Variants in MBD5 observed in about 807,000 individuals in gnomAD.
MBD5 encodes the protein methyl-CpG binding domain protein 5, also known as methyl-CpG-binding domain protein 5.
A neutral mutation model predicts 117.3 loss-of-function variants in MBD5; 13 were observed. The observed-to-expected ratio is 0.11, with a 90% CI of 0.07 to 0.18. MBD5 has a LOEUF of 0.18. MBD5 is among the 10% of genes least tolerant of loss of function. The pLI, the probability that MBD5 is intolerant of heterozygous loss-of-function variation, is 1.00. For missense variants in MBD5, 1,879 were observed against 2,093.8 expected (o/e 0.90, Z 2.00); for synonymous variants, 727 against 766.4 (o/e 0.95, Z 0.85).
intron 1 of MBD5, among the ~76,000 whole-genome samples, chr2:148,130,647 T>A (rs1329304468): frequency 6.6e-6 from 1 of 151,966 alleles, no homozygotes; most frequent in South Asian, 2.1e-4. Context: ...TGACTCCTCA[T>A]CAGGGGAGAC....
intron 2 of MBD5, among the ~76,000 whole-genome samples, chr2:148,188,996 G>A (rs1303671828): frequency 2.1e-4 from 32 of 149,660 alleles, no homozygotes; most frequent in Non-Finnish European, 3.0e-4. Flanking sequence ...AAGGGGTGAC[G>A]GACGCACCTG....
chr2:148,351,048 T>C (rs2105230792), intron 4 of MBD5, among the ~76,000 whole-genome samples: 1 of 152,180 alleles, frequency 6.6e-6, no homozygotes, highest in African/African-American at 2.4e-5. Context: ...GGTATTGCTT[T>C]CTTTTAGTTT....
rs569877097 is a variant in MBD5 at position 148,067,546 on chromosome 2, C to T, written c.-925+45862C>T. ...TTAAATAAAATAGTCTAGGACCTCA[C>T]TCTACTTGCTTACAAAATAAAAACA... On this transcript the variant is annotated intron_variant, in intron 1 of 13. Transcript: ENST00000642680. 1.2e-4 allele frequency among the ~76,000 whole-genome samples: 18 copies of T among 152,290 alleles called. 1 individual carries two copies. In the South Asian group the frequency reaches 3.7e-3, roughly 32 times the overall value.
At chr2:148,296,916 G>A (rs1210935160) in intron 3 of MBD5, among the ~76,000 whole-genome samples, 2 of 103,866 alleles carry the variant, frequency 1.9e-5, no homozygotes, top group Non-Finnish European at 3.7e-5. Flanking sequence ...CGCCCAGGCT[G>A]TACTGGAGAG....
intron 3 of MBD5, among the ~76,000 whole-genome samples, chr2:148,318,386 A>G (rs540039005): frequency 6.6e-6 from 1 of 152,102 alleles, no homozygotes; most frequent in East Asian, 1.9e-4. Flanking sequence ...AGAGTTTACA[A>G]AATTTTTTCC....
rs147455836 is a variant in MBD5 at position 148,470,197 on chromosome 2, A to G, written c.2254A>G (p.Ile752Val). 525 of 1,614,006 alleles carry G rather than the reference A, an allele frequency of 3.3e-4. No homozygotes were observed. Among genetic ancestry groups the G allele is most frequent in the Middle Eastern group, 3.1e-3 (19 of 6,058 alleles). ...TATGAACTCTAGTGTTCTTCAGAAC[A>G]TACCTTTAAGAGGGGAAGCCGTGCA... is the stretch of plus-strand genomic sequence containing the variant. ...PSMNSSVLQN[I>V]PLRGEAVHCH... The change falls in exon 8 of 14, where the codon ATA becomes GTA. Residue 752 changes from isoleucine to valine, a missense_variant. Around this residue, in one of 4 missense-constraint regions of MBD5, gnomAD observed 1,666 missense variants for 1,792.2 expected, o/e 0.93. Coordinates refer to ENST00000642680, the MANE Select transcript of MBD5 (RefSeq NM_001378120.1).
At position 148,234,125 on chromosome 2, in the gene MBD5, T is replaced by A. The variant is rs186771864; in HGVS notation, c.-680+730T>A. Among the ~76,000 whole-genome samples, 84 of 152,234 alleles carry A rather than the reference T, an allele frequency of 5.5e-4. 1 individual carries two copies. The East Asian group carries it at 0.011, about 20-fold the overall frequency. ...AAGTGTATAAGGAATCTGGCTTTTT[T>A]TCTACATTCATGAAAAATATAGACT... On this transcript the variant is annotated intron_variant, in intron 3 of 13. Transcript: ENST00000642680.
At chr2:148,475,847 C>T (rs1217206013) in intron 8 of MBD5, among the ~76,000 whole-genome samples, 1 of 152,122 alleles carries the variant, frequency 6.6e-6, no homozygotes, top group East Asian at 1.9e-4. Context: ...TTCATTTTTT[C>T]ATGCATGTAG....
intron 2 of MBD5, among the ~76,000 whole-genome samples, chr2:148,229,355 C>A (rs543066703): frequency 1.3e-5 from 2 of 152,140 alleles, no homozygotes; most frequent in Non-Finnish European, 2.9e-5. Context: ...TTATTTCAAT[C>A]TCTTTGTTAA....
intron 7 of MBD5, among the ~76,000 whole-genome samples, chr2:148,464,802 T>TAAAAAA (rs10693462): frequency 6.8e-6 from 1 of 146,184 alleles, no homozygotes; most frequent in African/African-American, 2.5e-5. Flanking sequence ...TAAAATAATT[T>TAAAAAA]AAAAAAAAAA....
intron 2 of MBD5, among the ~76,000 whole-genome samples, chr2:148,204,255 G>T (rs1225315611): frequency 1.3e-5 from 2 of 151,878 alleles, no homozygotes; most frequent in Non-Finnish European, 2.9e-5. Flanking sequence ...CACAAGAAAG[G>T]CTAGACATCA....
At position 148,490,243 on chromosome 2, in the gene MBD5, G is replaced by T; in HGVS notation, c.4611G>T (p.Leu1537=). 6.2e-7 allele frequency: 1 copy of T among 1,614,202 alleles called. No individual in the cohort carries two copies. Among genetic ancestry groups the T allele is most frequent in the African/African-American group, 1.3e-5 (1 of 75,056 alleles). ...GACAGAGTCGGGGATTTGGAGAGCT[G>T]CTAAGCACTGCAAAGCAAGACCTGG... ...RPRQSRGFGE[L]LSTAKQDLVL... is the part of the protein sequence containing the mutation. The change falls in exon 11 of 14, where the codon CTG becomes CTT. Residue 1537 remains leucine, a synonymous_variant. Coordinates refer to ENST00000642680, the MANE Select transcript of MBD5 (RefSeq NM_001378120.1).
At chr2:148,487,493 T>C (rs1292055576) in intron 10 of MBD5, among the ~76,000 whole-genome samples, 1 of 152,152 alleles carries the variant, frequency 6.6e-6, no homozygotes, top group Non-Finnish European at 1.5e-5. Flanking sequence ...ATAATATATA[T>C]ATCTTCCATA....
At chr2:148,175,041 C>G (rs1442702557) in intron 1 of MBD5, among the ~76,000 whole-genome samples, 6 of 152,090 alleles carry the variant, frequency 3.9e-5, no homozygotes, top group African/African-American at 1.2e-4. Context: ...GTTACAGAAT[C>G]AAACTAAGAT....
chr2:148,373,851 T>C (rs1703920240), intron 4 of MBD5, among the ~76,000 whole-genome samples: 1 of 152,082 alleles, frequency 6.6e-6, no homozygotes, highest in Non-Finnish European at 1.5e-5. Flanking sequence ...CTGTCCTTAT[T>C]TAGTGTGTTT....
intron 4 of MBD5, among the ~76,000 whole-genome samples, chr2:148,407,344 G>A (rs1045671589): frequency 2.7e-5 from 4 of 148,862 alleles, no homozygotes; most frequent in Non-Finnish European, 4.5e-5. Context: ...TTCTGAGTGT[G>A]TGTGTGTGTG....
At chr2:148,144,544 T>C (rs987881768) in intron 1 of MBD5, among the ~76,000 whole-genome samples, 1 of 152,190 alleles carries the variant, frequency 6.6e-6, no homozygotes, top group African/African-American at 2.4e-5. Context: ...CTGAATGGTA[T>C]TGCCTAGGTT....
chr2:148,169,654 T>A lies in MBD5; in HGVS notation c.-924-9046T>A, dbSNP rs546595507. ...GAGGAAAAAAAGAGTGCTTCTTTTT[T>A]AATCTCTAATGAAAATATTTCACTT... On this transcript the variant is annotated intron_variant, in intron 1 of 13. Transcript: ENST00000642680. Among the ~76,000 whole-genome samples the A allele has an allele frequency of 4.6e-5, 7 of 152,332 alleles. No individual in the cohort carries two copies. The South Asian group carries it at 1.2e-3, about 27-fold the overall frequency.
At chr2:148,092,551 G>A (rs1322923402) in intron 1 of MBD5, among the ~76,000 whole-genome samples, 1 of 152,282 alleles carries the variant, frequency 6.6e-6, no homozygotes, top group South Asian at 2.1e-4. Flanking sequence ...TATTCTAAGT[G>A]AAGTAACCAT....
Sources: gnomAD v4.1 joint callset for allele counts (sites outside exome capture counted in the v4.1 genomes callset) on GRCh38, gnomAD v4.1.1 for gene constraint, gnomAD v4.1.1 regional missense constraint, MANE v1.5 for transcripts, NCBI Gene and HGNC (gene_info 2026-07-23, HGNC 2026-07-21) for gene names.